Variants in CCL8 observed in about 807,000 individuals in gnomAD.
CCL8 encodes the protein C-C motif chemokine 8.
CCL8 carries 3 observed loss-of-function variants against 6.6 expected under a neutral mutation model. The ratio of observed to expected loss-of-function variants is 0.45; its 90% CI spans 0.21 to 1.17. The LOEUF is 1.17. Among genes scored for constraint, CCL8 ranks in the 50% most tolerant of loss-of-function variants. CCL8 has a pLI of 0.24. For synonymous variants in CCL8, 49 were observed against 41.8 expected (o/e 1.17, Z -0.67); for missense variants, 127 against 118.1 (o/e 1.08, Z -0.35).
intron 2 of CCL8, 72 bp downstream of exon 2, chr17:34,320,458 C>A: frequency 2.1e-6 from 2 of 973,026 alleles, no homozygotes; most frequent in Non-Finnish European, 3.3e-6. Flanking sequence ...AGATTCATGT[C>A]CATATGAGTC....
rs34202026 is a variant in CCL8 at position 34,320,338 on chromosome 17, A to G, written c.146A>G (p.Glu49Gly). 1.2e-6 allele frequency: 2 copies of G among 1,613,726 alleles called. No individual in the cohort carries two copies. Residue 49 changes from glutamate to glycine, a missense_variant, in exon 2 of 3, where the codon GAG becomes GGG. Glu to Gly is a moderately conservative substitution (Grantham distance 98). Coordinates refer to ENST00000394620, the MANE Select transcript of CCL8 (RefSeq NM_005623.3). ...AGGAAAATTCCTATCCAGAGGCTGG[A>G]GAGCTACACAAGAATCACCAACATC... ...INRKIPIQRL[E>G]SYTRITNIQC...
At position 34,319,554 on chromosome 17, in the gene CCL8, G is replaced by A; in HGVS notation, c.53G>A (p.Ser18Asn). Reference sequence around the variant, plus strand: ...CTGCTGCTCATGGCAGCCACTTTCAGCCCTCAGGGACTTGCTCAGCCAGGT... The same window carrying A: ...CTGCTGCTCATGGCAGCCACTTTCAACCCTCAGGGACTTGCTCAGCCAGGT... Reference protein sequence around the residue: ...LCLLLMAATFSPQGLAQPDSV... With the variant: ...LCLLLMAATFNPQGLAQPDSV... Residue 18 changes from serine to asparagine, a missense_variant, in exon 1 of 3, where the codon AGC becomes AAC. Transcript: ENST00000394620. 3 of 1,613,810 alleles carry A rather than the reference G, an allele frequency of 1.9e-6. No individual in the cohort carries two copies. In the Admixed American group the frequency reaches 5.0e-5, roughly 27 times the overall value.
At position 34,319,487 on chromosome 17, in the gene CCL8, C is replaced by T. The variant is rs375015363; in HGVS notation, c.-15C>T. 9 of 1,613,168 alleles carry T rather than the reference C, an allele frequency of 5.6e-6. No homozygotes were observed. The African/African-American group carries it at 9.3e-5, about 17-fold the overall frequency. ...TTCACCTCTCATGCTGAAGCTCACA[C>T]CCTTGCCCTCCAAGATGAAGGTTTC... On this transcript the variant is annotated 5_prime_UTR_variant, in exon 1 of 3. Transcript: ENST00000394620.
In CCL8 at chr17:34,319,460, C is replaced by G; in HGVS notation, c.-42C>G. The G allele has an allele frequency of 6.3e-7, 1 of 1,582,652 alleles. No individual in the cohort carries two copies. Among genetic ancestry groups the G allele is most frequent in the Non-Finnish European group, 8.7e-7 (1 of 1,152,090 alleles). On this transcript the variant is annotated 5_prime_UTR_variant, in exon 1 of 3. Transcript: ENST00000394620. ...AGAGAGGTTGAGAACAACCCAGAAACCTTCACCTCTCATGCTGAAGCTCAC... is the reference window on the plus strand; with the variant it reads ...AGAGAGGTTGAGAACAACCCAGAAAGCTTCACCTCTCATGCTGAAGCTCAC...
chr17:34,321,089 A>T lies in CCL8; in HGVS notation c.*182A>T. ...TTATATTTAAGTTGTTGATGTTTTAACTCTATCTGTCATACATCCTAGTGA... is the reference window on the plus strand; with the variant it reads ...TTATATTTAAGTTGTTGATGTTTTATCTCTATCTGTCATACATCCTAGTGA... On this transcript the variant is annotated 3_prime_UTR_variant, in exon 3 of 3. Transcript: ENST00000394620. 1 of 506,094 alleles carries T rather than the reference A, an allele frequency of 2.0e-6. No individual in the cohort carries two copies. The highest frequency in any genetic ancestry group is 3.4e-6 in the Non-Finnish European group (1 of 295,088). 31.4% of individuals were successfully genotyped at this position (506,094 alleles called of 1,614,324 possible). A position where few individuals can be genotyped will look rare whatever the true frequency, so the allele number is the denominator to read the frequency against.
In CCL8 at chr17:34,320,309, C is replaced by G; in HGVS notation, c.117C>G (p.Ile39Met). The G allele has an allele frequency of 1.2e-6, 2 of 1,613,570 alleles. No individual in the cohort carries two copies. Among genetic ancestry groups the G allele is most frequent in the Non-Finnish European group, 1.7e-6 (2 of 1,179,584 alleles). ...CAATCACCTGCTGCTTTAACGTGAT[C>G]AATAGGAAAATTCCTATCCAGAGGC... The part of the protein sequence containing the change: ...SIPITCCFNV[I>M]NRKIPIQRLE... Residue 39 changes from isoleucine (I) to methionine (M), a missense_variant, in exon 2 of 3, where the codon ATC becomes ATG. Transcript: ENST00000394620.
rs368550510 is a variant in CCL8, at chr17:34,320,303, C to T, written c.111C>T (p.Asn37=). The T allele has an allele frequency of 2.4e-5, 39 of 1,613,360 alleles. No individual in the cohort carries two copies. Among genetic ancestry groups the T allele is most frequent in the African/African-American group, 8.0e-5 (6 of 74,884 alleles). ...SVSIPITCCF[N]VINRKIPIQR... is the part of the protein sequence containing the mutation. ...CCATTCCAATCACCTGCTGCTTTAA[C>T]GTGATCAATAGGAAAATTCCTATCC... The change falls in exon 2 of 3, where the codon AAC becomes AAT. Residue 37 remains asparagine, a synonymous_variant. Coordinates refer to ENST00000394620, the MANE Select transcript of CCL8 (RefSeq NM_005623.3).
In CCL8 at chr17:34,320,968, T is replaced by TC. The variant is rs35843991; in HGVS notation, c.*66dup. On this transcript the variant is annotated 3_prime_UTR_variant, in exon 3 of 3. Coordinates refer to ENST00000394620, the MANE Select transcript of CCL8 (RefSeq NM_005623.3). ...AAAAGCTTATTTATTTTCCCCAACC[T>TC]CCCCCAGGTGCAGTGTGACATTATT... 1 of 957,844 alleles carries TC rather than the reference T, an allele frequency of 1.0e-6. No individual in the cohort carries two copies. The highest frequency in any genetic ancestry group is 1.6e-6 in the Non-Finnish European group (1 of 616,750). The allele number at this position is 957,844 out of a possible 1,614,324, so 59.3% of individuals were successfully genotyped here. A position where few individuals can be genotyped will look rare whatever the true frequency, so the allele number is the denominator to read the frequency against.
At position 34,320,908 on chromosome 17, in the gene CCL8, G is replaced by A. The variant is rs1247688071; in HGVS notation, c.*1G>A. The A allele has an allele frequency of 2.5e-6, 4 of 1,593,416 alleles. No homozygotes were observed. The East Asian group carries it at 9.1e-5, about 36-fold the overall frequency. On this transcript the variant is annotated 3_prime_UTR_variant, in exon 3 of 3. Transcript: ENST00000394620. ...AATATTTCAAAATCTGAAGCCATGA[G>A]CCTTCATACATGGACTGAGAGTCAG...
In CCL8 at chr17:34,319,549, TTTCAGC is replaced by T; in HGVS notation, c.49_54del (p.Phe17_Ser18del). 6.2e-7 allele frequency: 1 copy of T among 1,613,858 alleles called. No individual in the cohort carries two copies. Among genetic ancestry groups the T allele is most frequent in the Non-Finnish European group, 8.5e-7 (1 of 1,179,806 alleles). ...TGTGCCTGCTGCTCATGGCAGCCAC[TTTCAGC>T]CCTCAGGGACTTGCTCAGCCAGGTA... is the stretch of plus-strand genomic sequence containing the variant. On this transcript the variant is annotated inframe_deletion, in exon 1 of 3. Transcript: ENST00000394620.
At position 34,320,962 on chromosome 17, in the gene CCL8, C is replaced by G. The variant is rs892830604; in HGVS notation, c.*55C>G. 1.9e-6 allele frequency: 2 copies of G among 1,054,510 alleles called. No individual in the cohort carries two copies. Among genetic ancestry groups the G allele is most frequent in the East Asian group, 5.2e-5 (2 of 38,688 alleles). The allele number at this position is 1,054,510 out of a possible 1,614,324, so 65.3% of individuals were successfully genotyped here. A position where few individuals can be genotyped will look rare whatever the true frequency, so the allele number is the denominator to read the frequency against. On this transcript the variant is annotated 3_prime_UTR_variant, in exon 3 of 3. Coordinates refer to ENST00000394620, the MANE Select transcript of CCL8 (RefSeq NM_005623.3). ...TTGAAGAAAAGCTTATTTATTTTCCCCAACCTCCCCCAGGTGCAGTGTGAC... is the reference window on the plus strand; with the variant it reads ...TTGAAGAAAAGCTTATTTATTTTCCGCAACCTCCCCCAGGTGCAGTGTGAC...
At chr17:34,320,598 A>C (rs1449367334) in intron 2 of CCL8, among the ~76,000 whole-genome samples, 1 of 152,214 alleles carries the variant, frequency 6.6e-6, no homozygotes, top group Non-Finnish European at 1.5e-5. Flanking sequence ...ATCTGTAGCC[A>C]GGACCCTGGA....
intron 1 of CCL8, 43 bp from the exon 2 acceptor site, chr17:34,320,226 C>A: frequency 8.6e-7 from 1 of 1,163,816 alleles, no homozygotes; most frequent in Non-Finnish European, 1.3e-6. Context: ...TGCACACTTA[C>A]GGTGGGTCCT....
At chr17:34,319,689 G>T (rs755651368) in intron 1 of CCL8, 112 bp downstream of exon 1, 1 of 793,404 alleles carries the variant, frequency 1.3e-6, no homozygotes, top group Admixed American at 2.6e-5. Context: ...ACTGAGGCTG[G>T]TTCCCTTGAT....
chr17:34,320,133 A>G (rs1909475336), intron 1 of CCL8, 136 bp from the exon 2 acceptor site: 3 of 625,552 alleles, frequency 4.8e-6, no homozygotes, highest in Admixed American at 5.5e-5. Flanking sequence ...GCAACATTTT[A>G]TCTCTGGGAT....
At chr17:34,319,624 A>G (rs1162239802) in intron 1 of CCL8, 47 bp downstream of exon 1, 4 of 1,413,432 alleles carry the variant, frequency 2.8e-6, no homozygotes, top group South Asian at 1.2e-5. Flanking sequence ...GGAATTAAGA[A>G]GAGCCATTAT....
chr17:34,319,612 G>A (rs1192273687), intron 1 of CCL8, 35 bp downstream of exon 1: 2 of 1,497,970 alleles, frequency 1.3e-6, no homozygotes, highest in African/African-American at 2.8e-5. Flanking sequence ...GAGACCAAAA[G>A]AGGAATTAAG....
At chr17:34,319,897 G>C (rs1909469105) in intron 1 of CCL8, among the ~76,000 whole-genome samples, 1 of 152,192 alleles carries the variant, frequency 6.6e-6, no homozygotes, top group Non-Finnish European at 1.5e-5. Context: ...TTCCAGAACA[G>C]TGGCTGTGTA....
chr17:34,320,898 G>C lies in CCL8; in HGVS notation c.291G>C (p.Leu97=), dbSNP rs1353196559. The C allele has an allele frequency of 6.2e-7, 1 of 1,604,778 alleles. No homozygotes were observed. Among genetic ancestry groups the C allele is most frequent in the South Asian group, 1.1e-5 (1 of 90,060 alleles). ...ATCTGGACCAAATATTTCAAAATCT[G>C]AAGCCATGAGCCTTCATACATGGAC... is the stretch of plus-strand genomic sequence containing the variant. The part of the protein sequence containing the change: ...MKHLDQIFQN[L]KP Residue 97 remains leucine (L), a synonymous_variant, in exon 3 of 3, where the codon CTG becomes CTC. Coordinates refer to ENST00000394620, the MANE Select transcript of CCL8 (RefSeq NM_005623.3).
Sources: allele counts gnomAD v4.1 joint callset (sites outside exome capture counted in the v4.1 genomes callset), GRCh38; gene constraint gnomAD v4.1.1; transcripts MANE v1.5; gene names NCBI Gene and HGNC (gene_info 2026-07-23, HGNC 2026-07-21).